Variants in ST6GAL1 observed in about 807,000 individuals in gnomAD.
The protein encoded by ST6GAL1 is ST6 beta-galactoside alpha-2,6-sialyltransferase 1.
A neutral mutation model predicts 38.0 loss-of-function variants in ST6GAL1; 20 were observed. The ratio of observed to expected loss-of-function variants is 0.53; its 90% confidence interval spans 0.37 to 0.77. The LOEUF (loss-of-function observed/expected upper bound fraction) is 0.77. Ranked by LOEUF, ST6GAL1 falls within the 30% of genes least tolerant of loss-of-function variation. The pLI is 0.00. For synonymous variants in ST6GAL1, 196 were observed against 188.2 expected, an observed-to-expected ratio of 1.04 and a Z score of -0.34; for missense variants, 432 against 496.4, an observed-to-expected ratio of 0.87 and a Z score of 1.23.
chr3:187,018,671 G>A (rs1717198025), intron 2 of ST6GAL1, among the ~76,000 whole-genome samples: 1 of 152,192 alleles, frequency 6.6e-6, no homozygotes, highest in African/African-American at 2.4e-5. Flanking sequence ...GGGTGGGTCT[G>A]CCTTCCCCAG....
At chr3:187,074,425 A>G in intron 7 of ST6GAL1, 92 bp downstream of exon 7, 4 of 1,347,126 alleles carry the variant, frequency 3.0e-6, no homozygotes, top group South Asian at 3.4e-5. Context: ...TCGTTTGTTC[A>G]TTTGTTCACT....
Position 187,075,480 on chromosome 3 carries a change from T to G in ST6GAL1, c.980-82T>G. The G allele has an allele frequency of 6.4e-7, 1 of 1,559,016 alleles. No individual in the cohort carries two copies. The highest frequency in any genetic ancestry group is 1.2e-5 in the South Asian group (1 of 82,828). ...GGAAAGCTCTCCAAATTTGGGGTCA[T>G]GAGCTGCTGAACCCACTGGGCAGAG... On this transcript the variant is annotated intron_variant, in intron 7 of 7. Transcript: ENST00000169298. This position sits in a 1 kb window ranked among gnomAD's most constrained non-coding sequence, Gnocchi z 4.1.
Position 187,075,058 on chromosome 3 carries a change from C to T in ST6GAL1, c.980-504C>T, listed in dbSNP as rs1719515426. 6.6e-6 allele frequency among the ~76,000 whole-genome samples: 1 copy of T among 152,110 alleles called. No homozygotes were observed. The highest frequency in any genetic ancestry group is 2.4e-5 in the African/African-American group (1 of 41,400). ...CTGTTCCAGCTGTCCCTTTGCCCAGCTAAGGGAAGAAAAGTCTTCCCTCCC... is the reference window on the plus strand; with the variant it reads ...CTGTTCCAGCTGTCCCTTTGCCCAGTTAAGGGAAGAAAAGTCTTCCCTCCC... On this transcript the variant is annotated intron_variant, in intron 7 of 7. Coordinates refer to ENST00000169298, the MANE Select transcript of ST6GAL1 (RefSeq NM_173216.2). This position sits in a 1 kb window ranked among gnomAD's most constrained non-coding sequence, Gnocchi z 4.1.
intron 2 of ST6GAL1, among the ~76,000 whole-genome samples, chr3:186,967,818 C>G (rs1249782266): frequency 6.6e-6 from 1 of 152,208 alleles, no homozygotes; most frequent in Non-Finnish European, 1.5e-5. Context: ...GAATTGGAGT[C>G]TGTTCTGCTG....
intron 2 of ST6GAL1, among the ~76,000 whole-genome samples, chr3:187,004,866 C>T (rs1445841775): frequency 2.6e-5 from 4 of 152,202 alleles, no homozygotes; most frequent in African/African-American, 9.7e-5. Flanking sequence ...TTTCTTTCTT[C>T]TCCCTTTTAC....
At chr3:187,005,392 C>T (rs1263505259) in intron 2 of ST6GAL1, among the ~76,000 whole-genome samples, 1 of 151,150 alleles carries the variant, frequency 6.6e-6, no homozygotes, top group Non-Finnish European at 1.5e-5. Flanking sequence ...TCTCTTGCCT[C>T]AGCCTCCCCG....
chr3:187,029,945 C>T (rs553887153), intron 2 of ST6GAL1, among the ~76,000 whole-genome samples: 1 of 152,168 alleles, frequency 6.6e-6, no homozygotes, highest in African/African-American at 2.4e-5. Flanking sequence ...TGCATATAGA[C>T]AGGAGTGGTA....
At chr3:187,028,741 A>G (rs1348428675) in intron 2 of ST6GAL1, among the ~76,000 whole-genome samples, 1 of 152,184 alleles carries the variant, frequency 6.6e-6, no homozygotes, top group Non-Finnish European at 1.5e-5. Flanking sequence ...TTTGTTTTTT[A>G]TTCCCATTTA....
intron 1 of ST6GAL1, among the ~76,000 whole-genome samples, chr3:186,954,768 C>G (rs780635678): frequency 2.0e-5 from 3 of 152,020 alleles, no homozygotes; most frequent in Non-Finnish European, 4.4e-5. Flanking sequence ...AATTTTCTCC[C>G]GTTCTGTAGG....
intron 4 of ST6GAL1, chr3:187,044,011 G>T (rs4420856): frequency 0.21 from 31,443 of 152,218 alleles, 3,382 homozygotes; most frequent in Admixed American, 0.3. Flanking sequence ...TAGGTGTGTA[G>T]AATGTATGTG....
chr3:186,987,865 C>A lies in ST6GAL1; in HGVS notation c.-183+23939C>A, dbSNP rs1716008398. On this transcript the variant is annotated intron_variant, in intron 2 of 7. Transcript: ENST00000169298. Reference sequence around the variant, plus strand: ...TCTGCTGCTGCTTCTTATGCTAGAACTTGAGACACAGAGTTATTGGGGCTC... The same window carrying A: ...TCTGCTGCTGCTTCTTATGCTAGAAATTGAGACACAGAGTTATTGGGGCTC... Among the ~76,000 whole-genome samples the A allele has an allele frequency of 2.0e-5, 3 of 152,162 alleles. No homozygotes were observed. The South Asian group carries it at 6.2e-4, about 32-fold the overall frequency.
intron 2 of ST6GAL1, among the ~76,000 whole-genome samples, chr3:186,970,120 CAT>C (rs1355216514): frequency 2.6e-5 from 4 of 151,990 alleles, no homozygotes; most frequent in Non-Finnish European, 5.9e-5. Flanking sequence ...ATTGGTACAA[CAT>C]GTGTATAGTT....
At chr3:186,964,886 C>T (rs1715053788) in intron 2 of ST6GAL1, among the ~76,000 whole-genome samples, 1 of 152,162 alleles carries the variant, frequency 6.6e-6, no homozygotes, top group Admixed American at 6.5e-5. Flanking sequence ...ATTTCCTCAC[C>T]TGTGAACGGT....
intron 2 of ST6GAL1, among the ~76,000 whole-genome samples, chr3:187,031,936 C>T (rs961564228): frequency 3.9e-5 from 6 of 152,158 alleles, no homozygotes; most frequent in African/African-American, 1.4e-4. Flanking sequence ...ATTGTTCATC[C>T]CTAAGCTATA....
chr3:187,072,620 C>T (rs761525622), intron 5 of ST6GAL1: 10 of 485,460 alleles, frequency 2.1e-5, no homozygotes, highest in East Asian at 4.0e-5. Context: ...TGGATGGAAC[C>T]CTTTCTATTC....
At chr3:186,961,662 C>A (rs1047881710) in intron 1 of ST6GAL1, among the ~76,000 whole-genome samples, 2 of 152,140 alleles carry the variant, frequency 1.3e-5, no homozygotes, top group African/African-American at 4.8e-5. Context: ...GGGCATGAGG[C>A]TGGTCAGCTG....
At chr3:186,962,214 C>T (rs1171518263) in intron 1 of ST6GAL1, among the ~76,000 whole-genome samples, 6 of 152,212 alleles carry the variant, frequency 3.9e-5, no homozygotes, top group African/African-American at 1.2e-4. Context: ...CATCTCCCGT[C>T]TCATGGGATG....
intron 4 of ST6GAL1, among the ~76,000 whole-genome samples, chr3:187,044,350 A>G (rs1008251845): frequency 2.1e-4 from 32 of 152,158 alleles, no homozygotes; most frequent in African/African-American, 7.5e-4. Flanking sequence ...CTCCTTTTTT[A>G]TTTCCTTCAT....
intron 2 of ST6GAL1, among the ~76,000 whole-genome samples, chr3:187,016,138 G>C (rs1579323828): frequency 6.6e-6 from 1 of 152,140 alleles, no homozygotes; most frequent in Non-Finnish European, 1.5e-5. Flanking sequence ...GACCCAGCAG[G>C]TGCTTCATGC....
Sources: gnomAD v4.1 joint callset for allele counts (sites outside exome capture counted in the v4.1 genomes callset) on GRCh38, gnomAD v4.1.1 for gene constraint, Gnocchi (gnomAD v3.1) non-coding constraint, MANE v1.5 for transcripts, NCBI Gene and HGNC (gene_info 2026-07-23, HGNC 2026-07-21) for gene names.